Variants in EDNRA observed in about 807,000 individuals in gnomAD.
EDNRA encodes the protein endothelin-1 receptor.
In EDNRA, 11 loss-of-function variants were observed where a neutral mutation model predicts 41.4. The ratio of observed to expected loss-of-function variants is 0.27; its 90% CI spans 0.17 to 0.44. EDNRA has a LOEUF of 0.44. EDNRA is among the 20% of genes least tolerant of loss of function. The pLI is 1.00. For synonymous variants in EDNRA, 172 were observed against 183.0 expected, an observed-to-expected ratio of 0.94 and a Z score of 0.49; for missense variants, 294 against 531.0, an observed-to-expected ratio of 0.55 and a Z score of 4.39.
At chr4:147,528,598 T>A (rs1041322387) in intron 3 of EDNRA, among the ~76,000 whole-genome samples, 2 of 152,118 alleles carry the variant, frequency 1.3e-5, no homozygotes, top group Non-Finnish European at 2.9e-5. Flanking sequence ...CCTTCCAAAG[T>A]GCTGGGATTG....
chr4:147,534,756 A>G (rs975701448), intron 4 of EDNRA, among the ~76,000 whole-genome samples: 2 of 152,170 alleles, frequency 1.3e-5, no homozygotes, highest in African/African-American at 4.8e-5. Flanking sequence ...CTGTGCTTTA[A>G]TGTAATTGGT....
At chr4:147,523,513 T>C (rs1329517245) in intron 3 of EDNRA, among the ~76,000 whole-genome samples, 3 of 148,000 alleles carry the variant, frequency 2.0e-5, no homozygotes, top group Admixed American at 6.7e-5. Flanking sequence ...TTTTTTGAGA[T>C]GGAGTCTTGC....
At chr4:147,518,290 A>T (rs72961622) in intron 2 of EDNRA, among the ~76,000 whole-genome samples, 1,798 of 152,274 alleles carry the variant, frequency 0.012, 35 homozygotes, top group African/African-American at 0.041. Flanking sequence ...TGGCATAATT[A>T]TTTGTCAGCT....
At chr4:147,523,727 T>A (rs1730427825) in intron 3 of EDNRA, among the ~76,000 whole-genome samples, 1 of 152,002 alleles carries the variant, frequency 6.6e-6, no homozygotes, top group African/African-American at 2.4e-5. Context: ...CCTGATCTCG[T>A]GATCCACCCG....
At chr4:147,491,371 T>A (rs1343370539) in intron 2 of EDNRA, 1 of 152,202 alleles carries the variant, frequency 6.6e-6, no homozygotes, top group Non-Finnish European at 1.5e-5. Context: ...TTACAAAAGC[T>A]GCTTCTTGAC....
chr4:147,516,530 T>C (rs79237853), intron 2 of EDNRA, among the ~76,000 whole-genome samples: 3,091 of 152,316 alleles, frequency 0.02, 119 homozygotes, highest in African/African-American at 0.07. Context: ...CATCCATTCA[T>C]CCAGCACCTA....
At chr4:147,522,914 C>G (rs1730375319) in intron 3 of EDNRA, among the ~76,000 whole-genome samples, 2 of 152,144 alleles carry the variant, frequency 1.3e-5, no homozygotes, top group Non-Finnish European at 2.9e-5. Context: ...AAACATAAAT[C>G]CATACACGTA....
chr4:147,520,700 G>A (rs1730294048), intron 3 of EDNRA, among the ~76,000 whole-genome samples: 1 of 152,186 alleles, frequency 6.6e-6, no homozygotes, highest in Admixed American at 6.5e-5. Flanking sequence ...CACAAGTGGT[G>A]TATAATGGCC....
intron 4 of EDNRA, among the ~76,000 whole-genome samples, chr4:147,534,269 G>A (rs1274916370): frequency 6.6e-6 from 1 of 152,160 alleles, no homozygotes; most frequent in Non-Finnish European, 1.5e-5. Flanking sequence ...GAGTGTTCGT[G>A]TTGCACTTCA....
chr4:147,494,001 C>T (rs1330112952), intron 2 of EDNRA: 2 of 152,138 alleles, frequency 1.3e-5, no homozygotes. Context: ...TTTATTGACA[C>T]TCTAACTTTT....
intron 2 of EDNRA, among the ~76,000 whole-genome samples, chr4:147,513,160 C>G (rs1479227055): frequency 6.6e-6 from 1 of 152,202 alleles, no homozygotes; most frequent in Non-Finnish European, 1.5e-5. Flanking sequence ...GCTACTATGC[C>G]AAGCCAGCTG....
intron 1 of EDNRA, among the ~76,000 whole-genome samples, chr4:147,481,588 T>A (rs1319717092): frequency 1.3e-5 from 2 of 152,240 alleles, no homozygotes; most frequent in African/African-American, 4.8e-5. Flanking sequence ...AGGGGTGCGC[T>A]GCGGACACGT....
chr4:147,541,020 A>G (rs1388918856), intron 7 of EDNRA, among the ~76,000 whole-genome samples: 1 of 142,082 alleles, frequency 7.0e-6, no homozygotes, highest in Non-Finnish European at 1.5e-5. Flanking sequence ...GTGAGCCGAG[A>G]TAGCGCCACT....
At chr4:147,489,949 A>G (rs1160063813) in intron 2 of EDNRA, 1 of 152,132 alleles carries the variant, frequency 6.6e-6, no homozygotes, top group Non-Finnish European at 1.5e-5. Flanking sequence ...TCAAAATGCT[A>G]TCACTACCCC....
chr4:147,492,839 T>A (rs1729185131), intron 2 of EDNRA: 1 of 152,154 alleles, frequency 6.6e-6, no homozygotes, highest in Non-Finnish European at 1.5e-5. Flanking sequence ...GAAGTTGCTG[T>A]CTGGAAAGGC....
intron 3 of EDNRA, among the ~76,000 whole-genome samples, chr4:147,532,271 A>G (rs550641764): frequency 6.0e-4 from 85 of 141,748 alleles, no homozygotes; most frequent in African/African-American, 2.2e-3. Context: ...GCTTGCAGTG[A>G]GCCGAGATGG....
chr4:147,522,037 G>A (rs1340754822), intron 3 of EDNRA, among the ~76,000 whole-genome samples: 1 of 152,024 alleles, frequency 6.6e-6, no homozygotes, highest in African/African-American at 2.4e-5. Context: ...CTCAGGTGCT[G>A]GAATACACAA....
chr4:147,486,159 G>A lies in EDNRA; in HGVS notation c.420+58G>A. On this transcript the variant is annotated intron_variant, in intron 2 of 7. Coordinates refer to ENST00000651419, the MANE Select transcript of EDNRA (RefSeq NM_001957.4). This position sits in a 1 kb window ranked among gnomAD's most constrained non-coding sequence, Gnocchi z 4.3. Reference sequence around the variant, plus strand: ...TAAACCCATGCTCTGATTCCACGTGGAGAGTTGCTGCAGACTTTTCTGACC... The same window carrying A: ...TAAACCCATGCTCTGATTCCACGTGAAGAGTTGCTGCAGACTTTTCTGACC... 2 of 1,529,760 alleles carry A rather than the reference G, an allele frequency of 1.3e-6. No homozygotes were observed. Among genetic ancestry groups the A allele is most frequent in the African/African-American group, 1.4e-5 (1 of 72,536 alleles). The allele number at this position is 1,529,760 out of a possible 1,614,324, so 94.8% of individuals were successfully genotyped here.
chr4:147,484,331 A>G (rs1177890077), intron 1 of EDNRA, among the ~76,000 whole-genome samples: 1 of 152,160 alleles, frequency 6.6e-6, no homozygotes, highest in Non-Finnish European at 1.5e-5. Context: ...TCCTGAGTCT[A>G]TTGCTTCATC....
Sources: allele counts gnomAD v4.1 joint callset (sites outside exome capture counted in the v4.1 genomes callset), GRCh38; gene constraint gnomAD v4.1.1; non-coding constraint Gnocchi (gnomAD v3.1); transcripts MANE v1.5; gene names NCBI Gene and HGNC (gene_info 2026-07-23, HGNC 2026-07-21).